The following FAM47E variants were observed in gnomAD, a reference collection of about 807,000 sequenced individuals.
FAM47E encodes protein FAM47E.
In FAM47E, 32 loss-of-function variants were observed where a neutral mutation model predicts 41.6. That is an observed-to-expected ratio of 0.77 (90% CI 0.58 to 1.03). FAM47E has a LOEUF of 1.03. Ranked by LOEUF, FAM47E falls within the 50% of genes least tolerant of loss-of-function variation. The pLI, the probability that FAM47E is intolerant of heterozygous loss-of-function variation, is 0.00. For missense variants in FAM47E, 424 were observed against 485.4 expected (o/e 0.87, Z 1.19); for synonymous variants, 184 against 188.7 (o/e 0.98, Z 0.20).
upstream of FAM47E, among the ~76,000 whole-genome samples, chr4:76,247,910 C>CTTTTT (rs753751295): frequency 0.042 from 3,682 of 86,742 alleles, 398 homozygotes; most frequent in African/African-American, 0.049. Context: ...CACTCTCTCT[C>CTTTTT]TTTTTTTTTT....
intron 5 of FAM47E, among the ~76,000 whole-genome samples, chr4:76,273,563 T>C (rs1302807608): frequency 6.6e-6 from 1 of 152,248 alleles, no homozygotes; most frequent in African/African-American, 2.4e-5. Flanking sequence ...TCTTTGTCAC[T>C]GGTTTTGAGC....
chr4:76,275,568 C>T (rs555610161), intron 5 of FAM47E, among the ~76,000 whole-genome samples: 68 of 152,280 alleles, frequency 4.5e-4, no homozygotes, highest in East Asian at 7.7e-4. Context: ...ATGGAGATTA[C>T]AGCCTAGTGG....
At chr4:76,259,401 G>A (rs975112628) in intron 2 of FAM47E, among the ~76,000 whole-genome samples, 2 of 152,164 alleles carry the variant, frequency 1.3e-5, no homozygotes, top group African/African-American at 4.8e-5. Flanking sequence ...AAACTAGTGC[G>A]TGTTTCGCTT....
intron 1 of FAM47E, chr4:76,217,531 C>G (rs1342626693): frequency 2.3e-6 from 1 of 431,844 alleles, no homozygotes; most frequent in African/African-American, 2.0e-5. Context: ...CTAGCTTCCT[C>G]TCTGCCCATG....
At chr4:76,257,905 C>T (rs964067893) in intron 2 of FAM47E, among the ~76,000 whole-genome samples, 3 of 151,670 alleles carry the variant, frequency 2.0e-5, no homozygotes, top group Admixed American at 6.5e-5. Flanking sequence ...TGTCCTATGG[C>T]GGACACTCAA....
At chr4:76,252,463 C>T (rs771247744) in intron 1 of FAM47E, among the ~76,000 whole-genome samples, 8 of 152,146 alleles carry the variant, frequency 5.3e-5, no homozygotes, top group Non-Finnish European at 8.8e-5. Flanking sequence ...ATCAGAAAGG[C>T]TTGAGTAGAA....
intron 5 of FAM47E, among the ~76,000 whole-genome samples, chr4:76,276,000 C>A (rs1218921317): frequency 1.3e-5 from 2 of 150,918 alleles, no homozygotes; most frequent in African/African-American, 4.9e-5. Flanking sequence ...GCTAAACATT[C>A]TATGATGCAT....
intron 3 of FAM47E, among the ~76,000 whole-genome samples, chr4:76,267,140 T>C (rs1031156642): frequency 2.6e-5 from 4 of 152,228 alleles, no homozygotes; most frequent in Non-Finnish European, 5.9e-5. Context: ...CTTAAGTTTA[T>C]TTACAGTTCA....
chr4:76,234,631 G>A (rs932592160), intron 2 of FAM47E: 11 of 152,200 alleles, frequency 7.2e-5, no homozygotes, highest in African/African-American at 2.4e-4. Context: ...AGTTTTTCCG[G>A]GGACCCCCTC....
intron 4 of FAM47E, chr4:76,269,621 A>AT (rs34507839): frequency 0.36 from 53,602 of 150,770 alleles, 10,108 homozygotes; most frequent in Admixed American, 0.42. Flanking sequence ...GTCTTAAAAA[A>AT]ATATAAATAA....
Position 76,261,523 on chromosome 4 carries a change from G to A in FAM47E, c.421-2181G>A, listed in dbSNP as rs186259857. Among the ~76,000 whole-genome samples, 282 of 152,252 alleles carry A rather than the reference G, an allele frequency of 1.9e-3. 1 individual carries two copies. Among genetic ancestry groups the A allele is most frequent in the African/African-American group, 6.3e-3 (262 of 41,536 alleles). ...AGAATGAAGTCATGTCTATCGTAGC[G>A]ACATGGATGGAACTGGAGGCCATTA... On this transcript the variant is annotated intron_variant, in intron 2 of 7. Coordinates refer to ENST00000424749, the MANE Select transcript of FAM47E (RefSeq NM_001136570.3).
intron 4 of FAM47E, chr4:76,269,074 G>A: frequency 3.2e-6 from 1 of 310,364 alleles, no homozygotes; most frequent in Non-Finnish European, 5.8e-6. Flanking sequence ...TTTATTGTTA[G>A]GACTTTCTTT....
intron 3 of FAM47E, among the ~76,000 whole-genome samples, chr4:76,265,845 T>C (rs2110014584): frequency 1.3e-5 from 2 of 152,306 alleles, no homozygotes; most frequent in Middle Eastern, 6.8e-3. Flanking sequence ...GATGGACACA[T>C]CCAGGTGCTG....
chr4:76,272,108 G>C (rs1734917096), intron 5 of FAM47E, among the ~76,000 whole-genome samples: 2 of 152,192 alleles, frequency 1.3e-5, no homozygotes, highest in African/African-American at 4.8e-5. Context: ...TAATTATTAT[G>C]AATGCTGTTA....
At chr4:76,242,896 G>C (rs1409352720) in intron 2 of FAM47E, among the ~76,000 whole-genome samples, 1 of 152,056 alleles carries the variant, frequency 6.6e-6, no homozygotes, top group African/African-American at 2.4e-5. Flanking sequence ...TCACATTTGT[G>C]GATTGCATTA....
chr4:76,250,228 T>G (rs1396366319), upstream of FAM47E, among the ~76,000 whole-genome samples: 2 of 152,202 alleles, frequency 1.3e-5, no homozygotes, highest in Admixed American at 1.3e-4. Flanking sequence ...ATCTAATTTT[T>G]TAAATTTTTT....
chr4:76,229,062 G>A (rs78908613), intron 2 of FAM47E, among the ~76,000 whole-genome samples: 22,779 of 151,900 alleles, frequency 0.15, 2,027 homozygotes, highest in East Asian at 0.35. Flanking sequence ...TTGTCAGATT[G>A]GGTTAATTCA....
At chr4:76,255,810 T>G (rs1391450690) in intron 1 of FAM47E, among the ~76,000 whole-genome samples, 1 of 152,068 alleles carries the variant, frequency 6.6e-6, no homozygotes, top group Non-Finnish European at 1.5e-5. Context: ...ATAGTGCCAT[T>G]TACGTAAATT....
At chr4:76,282,858 A>G (rs1365976206) in intron 7 of FAM47E, 5 of 152,304 alleles carry the variant, frequency 3.3e-5, no homozygotes, top group Non-Finnish European at 5.9e-5. Context: ...ATATATATGC[A>G]TATACACACA....
Sources: allele counts gnomAD v4.1 joint callset (sites outside exome capture counted in the v4.1 genomes callset), GRCh38; gene constraint gnomAD v4.1.1; transcripts MANE v1.5; gene names NCBI Gene and HGNC (gene_info 2026-07-23, HGNC 2026-07-21).